ATP10A: variants seen among roughly 807,000 people sequenced by gnomAD.
ATP10A encodes the protein ATPase phospholipid transporting 10A (putative).
ATP10A carries 111 observed loss-of-function variants against 147.8 expected under a neutral mutation model. That is an observed-to-expected ratio of 0.75 (90% confidence interval 0.64 to 0.88). The LOEUF is 0.88. ATP10A is among the 40% of genes least tolerant of loss of function. The pLI is 0.00. For missense variants in ATP10A, 1,927 were observed against 1,959.0 expected (o/e 0.98, Z 0.31); for synonymous variants, 875 against 841.6 (o/e 1.04, Z -0.69).
In ATP10A at chr15:25,695,106, A is replaced by G. The variant is rs1900248562; in HGVS notation, c.2801T>C (p.Val934Ala). 1 of 1,613,994 alleles carries G rather than the reference A, an allele frequency of 6.2e-7. No individual in the cohort carries two copies. Among genetic ancestry groups the G allele is most frequent in the Admixed American group, 1.7e-5 (1 of 60,006 alleles). ...AALLDQCLCY[V>A]QSRGLQRAPE... ...GGCTCTCTGGAGGCCTCTGGACTGC[A>G]CGTAGCATAGGCACTGGTCTAGCAG... is the stretch of plus-strand genomic sequence containing the variant. The change falls in exon 14 of 21, where the codon GTG (valine) becomes GCG (alanine). Residue 934 changes from valine to alanine, a missense_variant. By Grantham distance (64) the Val-to-Ala change is moderately conservative (BLOSUM62 0). Transcript: ENST00000555815.
At chr15:25,705,958 G>A (rs1567316084) in intron 12 of ATP10A, among the ~76,000 whole-genome samples, 1 of 152,198 alleles carries the variant, frequency 6.6e-6, no homozygotes, top group Admixed American at 6.5e-5. Context: ...CGTGCACCTG[G>A]AGGGAAGGAA....
In ATP10A at chr15:25,707,710, A is replaced by G. The variant is rs114978869; in HGVS notation, c.2575+266T>C. 4.5e-3 allele frequency among the ~76,000 whole-genome samples: 690 copies of G among 152,240 alleles called. 7 individuals carry two copies. Among genetic ancestry groups the G allele is most frequent in the African/African-American group, 0.016 (654 of 41,550 alleles). ...GTCAGAAATCTCACTCCTTGGCTCTATTTTTGGTGGGAAACCAGGTTAAGG... is the reference window on the plus strand; with the variant it reads ...GTCAGAAATCTCACTCCTTGGCTCTGTTTTTGGTGGGAAACCAGGTTAAGG... On this transcript the variant is annotated intron_variant, in intron 12 of 20. Transcript: ENST00000555815.
Position 25,679,669 on chromosome 15 carries a change from G to C in ATP10A, c.4172C>G (p.Pro1391Arg). The C allele has an allele frequency of 1.2e-6, 2 of 1,613,208 alleles. No individual in the cohort carries two copies. The highest frequency in any genetic ancestry group is 1.7e-6 in the Non-Finnish European group (2 of 1,180,000). Residue 1391 changes from proline (P) to arginine (R), a missense_variant, in exon 21 of 21, where the codon CCG becomes CGG. By Grantham distance (103) the Pro-to-Arg change is moderately radical. Coordinates refer to ENST00000555815, the MANE Select transcript of ATP10A (RefSeq NM_024490.4). ...CCCTGGCGCAGAGGACATGGGGGCC[G>C]GTGCGCTCAGCCCCTCCAGCAGGGT... ...EHTLLEGLSA[P>R]APMSSAPGEA... is the part of the protein sequence containing the mutation.
chr15:25,684,567 TAC>T (rs1899611995), intron 16 of ATP10A, among the ~76,000 whole-genome samples: 1 of 152,130 alleles, frequency 6.6e-6, no homozygotes, highest in East Asian at 1.9e-4. Flanking sequence ...TTATCCCACA[TAC>T]AGAGAGGGAA....
At chr15:25,799,286 C>G (rs968167151) in intron 1 of ATP10A, among the ~76,000 whole-genome samples, 1 of 152,146 alleles carries the variant, frequency 6.6e-6, no homozygotes, top group Non-Finnish European at 1.5e-5. Context: ...CATAAAAACC[C>G]CCGTTATGTC....
chr15:25,784,198 T>C (rs1035562190), intron 1 of ATP10A, among the ~76,000 whole-genome samples: 1 of 152,188 alleles, frequency 6.6e-6, no homozygotes, highest in Admixed American at 6.5e-5. Flanking sequence ...AGTTTCCCAA[T>C]GCTCAGTCAC....
intron 1 of ATP10A, among the ~76,000 whole-genome samples, chr15:25,846,880 T>C (rs748058912): frequency 6.6e-6 from 1 of 152,204 alleles, no homozygotes; most frequent in African/African-American, 2.4e-5. Context: ...ATATAAGATA[T>C]TTATGCATTA....
At chr15:25,726,426 G>A (rs868587447) in intron 4 of ATP10A, among the ~76,000 whole-genome samples, 4 of 151,450 alleles carry the variant, frequency 2.6e-5, no homozygotes, top group African/African-American at 4.8e-5. Context: ...TTCTACAATG[G>A]GGATATGTTA....
chr15:25,769,204 A>G (rs1260991450), intron 2 of ATP10A, among the ~76,000 whole-genome samples: 1 of 152,076 alleles, frequency 6.6e-6, no homozygotes, highest in Non-Finnish European at 1.5e-5. Flanking sequence ...ACATGCATAT[A>G]GGCTGGGCAT....
chr15:25,815,108 C>T lies in ATP10A; in HGVS notation c.450-33885G>A, dbSNP rs569610030. Among the ~76,000 whole-genome samples the T allele has an allele frequency of 5.9e-5, 9 of 152,312 alleles. No homozygotes were observed. In the South Asian group the frequency reaches 1.7e-3, roughly 28 times the overall value. Reference sequence around the variant, plus strand: ...TAGATGGATCTCCCTCCATCCCCTACTACCAGGTCGACATCACACCACCAG... The same window carrying T: ...TAGATGGATCTCCCTCCATCCCCTATTACCAGGTCGACATCACACCACCAG... On this transcript the variant is annotated intron_variant, in intron 1 of 20. Transcript: ENST00000555815.
At chr15:25,857,129 A>G (rs1356111142) in intron 1 of ATP10A, among the ~76,000 whole-genome samples, 1 of 152,196 alleles carries the variant, frequency 6.6e-6, no homozygotes, top group Non-Finnish European at 1.5e-5. Flanking sequence ...AAATCTGAAC[A>G]CACACTGGGT....
intron 1 of ATP10A, among the ~76,000 whole-genome samples, chr15:25,830,001 G>A (rs1892284461): frequency 6.6e-6 from 1 of 152,154 alleles, no homozygotes; most frequent in African/African-American, 2.4e-5. Flanking sequence ...CGGGGTGGAG[G>A]CAGGAGGTGG....
chr15:25,798,839 C>G (rs907761741), intron 1 of ATP10A, among the ~76,000 whole-genome samples: 1 of 152,162 alleles, frequency 6.6e-6, no homozygotes, highest in Non-Finnish European at 1.5e-5. Flanking sequence ...CACTCCTCCT[C>G]GGGAGGGCAC....
intron 2 of ATP10A, among the ~76,000 whole-genome samples, chr15:25,772,457 C>T (rs773014187): frequency 7.9e-5 from 12 of 152,192 alleles, no homozygotes; most frequent in African/African-American, 2.6e-4. Flanking sequence ...CTCACTGGGC[C>T]GAGATGGAGA....
chr15:25,672,376 A>C (rs373958573), downstream of ATP10A, among the ~76,000 whole-genome samples: 44 of 152,228 alleles, frequency 2.9e-4, no homozygotes, highest in East Asian at 7.2e-3. Flanking sequence ...ATTTTTGTTT[A>C]TTCATTCATC....
intron 1 of ATP10A, among the ~76,000 whole-genome samples, chr15:25,825,972 T>C (rs1021106718): frequency 2.0e-5 from 3 of 152,018 alleles, no homozygotes; most frequent in Non-Finnish European, 4.4e-5. Context: ...AGAATATCAA[T>C]AAAGAGATAT....
intron 1 of ATP10A, among the ~76,000 whole-genome samples, chr15:25,839,362 TAG>T (rs1312094594): frequency 1.3e-5 from 2 of 152,168 alleles, no homozygotes; most frequent in Admixed American, 1.3e-4. Context: ...CCTTTATAAC[TAG>T]ACAGCCAAGT....
In ATP10A at chr15:25,679,507, G is replaced by A. The variant is rs1567293053; in HGVS notation, c.4334C>T (p.Ser1445Leu). ...FSLLNWISSW[S>L]LVSRLGSVLQ... ...GACACTCCCCAGCCTGCTGACCAGC[G>A]ACCAGGAGGAAATCCAGTTGAGTAA... Residue 1445 changes from serine to leucine, a missense_variant, in exon 21 of 21, where the codon TCG becomes TTG. Transcript: ENST00000555815. 2 of 1,613,738 alleles carry A rather than the reference G, an allele frequency of 1.2e-6. No homozygotes were observed.
At chr15:25,727,698 G>A (rs916192322) in intron 3 of ATP10A, among the ~76,000 whole-genome samples, 9 of 152,218 alleles carry the variant, frequency 5.9e-5, no homozygotes, top group African/African-American at 2.2e-4. Context: ...TACAAAAGGG[G>A]ACGATATTGG....
Sources: allele counts gnomAD v4.1 joint callset (sites outside exome capture counted in the v4.1 genomes callset), GRCh38; gene constraint gnomAD v4.1.1; transcripts MANE v1.5; gene names NCBI Gene and HGNC (gene_info 2026-07-23, HGNC 2026-07-21).